Variants in MRAP2 observed in about 807,000 individuals in gnomAD.
MRAP2 encodes melanocortin-2 receptor accessory protein 2.
In MRAP2, 20 loss-of-function variants were observed where a neutral mutation model predicts 17.4. The ratio of observed to expected loss-of-function variants is 1.15; its 90% CI spans 0.81 to 1.67. The LOEUF is 1.67. MRAP2 is among the 40% of genes most tolerant of loss of function. The pLI is 0.00. For synonymous variants in MRAP2, 96 were observed against 88.4 expected (o/e 1.09, Z -0.48); for missense variants, 238 against 240.0 (o/e 0.99, Z 0.05).
chr6:84,136,074 C>T, the MRAP2 span, among the ~76,000 whole-genome samples: 3 of 152,154 alleles, frequency 2.0e-5, no homozygotes, highest in Admixed American at 6.6e-5. Flanking sequence ...GCCATTCCTG[C>T]TTTCTTTGCT....
At chr6:84,092,106 CTCT>C (rs142179745), downstream of MRAP2, among the ~76,000 whole-genome samples, 15,327 of 152,204 alleles carry the variant, frequency 0.1, 919 homozygotes, top group Middle Eastern at 0.18. Context: ...TCTGTGGCTC[CTCT>C]TCTTCCACTT....
At chr6:84,042,150 G>A (rs1246521747) in intron 1 of MRAP2, among the ~76,000 whole-genome samples, 1 of 152,126 alleles carries the variant, frequency 6.6e-6, no homozygotes, top group African/African-American at 2.4e-5. Flanking sequence ...GGTTTTATAA[G>A]GGGCTTTCCC....
chr6:84,100,315 T>C, the MRAP2 span, among the ~76,000 whole-genome samples: 3 of 152,328 alleles, frequency 2.0e-5, no homozygotes, highest in Admixed American at 1.3e-4. Flanking sequence ...CAGGCTGGAA[T>C]GCAGTGGAAC....
chr6:84,036,995 T>C (rs1235734208), intron 1 of MRAP2, among the ~76,000 whole-genome samples: 4 of 151,448 alleles, frequency 2.6e-5, no homozygotes, highest in Admixed American at 2.0e-4. Context: ...TTACAAACCT[T>C]GAGCTAGACA....
the MRAP2 span, among the ~76,000 whole-genome samples, chr6:84,127,538 G>A: frequency 1.7e-4 from 26 of 151,936 alleles, no homozygotes; most frequent in African/African-American, 5.8e-4. Context: ...TGTTGGTTGG[G>A]CATAAAAACT....
chr6:84,054,319 T>C (rs1244587126), intron 1 of MRAP2, among the ~76,000 whole-genome samples: 1 of 152,236 alleles, frequency 6.6e-6, no homozygotes, highest in East Asian at 1.9e-4. Context: ...GAACACAGGC[T>C]GCATTGACTT....
the MRAP2 span, among the ~76,000 whole-genome samples, chr6:84,144,476 TATC>T: frequency 1.3e-5 from 2 of 152,104 alleles, no homozygotes; most frequent in African/African-American, 2.4e-5. Context: ...TTTAAAGTCT[TATC>T]ATCCACAGAT....
downstream of MRAP2, among the ~76,000 whole-genome samples, chr6:84,093,013 G>T (rs2099502032): frequency 6.6e-6 from 1 of 152,210 alleles, no homozygotes. Context: ...TGGGCCTGAA[G>T]CTCCACTCTT....
At chr6:84,120,439 T>C in the MRAP2 span, among the ~76,000 whole-genome samples, 354 of 152,292 alleles carry the variant, frequency 2.3e-3, no homozygotes, top group Middle Eastern at 6.8e-3. Flanking sequence ...CTTGAATCTT[T>C]ATAAAAACAG....
the MRAP2 span, among the ~76,000 whole-genome samples, chr6:84,102,719 G>T: frequency 6.6e-6 from 1 of 152,124 alleles, no homozygotes; most frequent in African/African-American, 2.4e-5. Context: ...GACATTAGAG[G>T]TCTGTTATGG....
rs1229030333 is a variant in MRAP2 at position 84,062,949 on chromosome 6, T to A, written c.184T>A (p.Phe62Ile). The part of the protein sequence containing the change: ...GLAVFVIFMF[F>I]VLTLLTKTGA... ...TGCAGTCTTCGTGATTTTTATGTTTTTTGTGCTGACCTTGCTGACCAAGAC... is the reference window on the plus strand; with the variant it reads ...TGCAGTCTTCGTGATTTTTATGTTTATTGTGCTGACCTTGCTGACCAAGAC... Residue 62 changes from phenylalanine (F) to isoleucine (I), a missense_variant, in exon 3 of 4, where the codon TTT becomes ATT. Coordinates refer to ENST00000257776, the MANE Select transcript of MRAP2 (RefSeq NM_138409.4). The A allele has an allele frequency of 6.2e-7, 1 of 1,614,192 alleles. No individual in the cohort carries two copies. The highest frequency in any genetic ancestry group is 8.5e-7 in the Non-Finnish European group (1 of 1,180,020).
At chr6:84,095,235 T>G (rs995551030), downstream of MRAP2, among the ~76,000 whole-genome samples, 2 of 152,190 alleles carry the variant, frequency 1.3e-5, no homozygotes, top group Admixed American at 1.3e-4. Context: ...GGAGATATTA[T>G]CTTTGTTATG....
chr6:84,095,271 T>G (rs545826074), downstream of MRAP2, among the ~76,000 whole-genome samples: 3 of 152,346 alleles, frequency 2.0e-5, no homozygotes, highest in African/African-American at 7.2e-5. Context: ...ACCTGCTCTA[T>G]GCTCCAGAGG....
chr6:84,083,630 C>T (rs1172860503), intron 3 of MRAP2, among the ~76,000 whole-genome samples: 2 of 150,560 alleles, frequency 1.3e-5, no homozygotes, highest in African/African-American at 5.0e-5. Context: ...GAAGACCTCT[C>T]TATTTTTATT....
downstream of MRAP2, among the ~76,000 whole-genome samples, chr6:84,091,324 G>GT (rs1292702814): frequency 6.7e-6 from 1 of 150,122 alleles, no homozygotes; most frequent in Non-Finnish European, 1.5e-5. Flanking sequence ...CCCCTCCTGG[G>GT]TTCAAGTGAT....
At chr6:84,076,055 C>G (rs960819995) in intron 3 of MRAP2, among the ~76,000 whole-genome samples, 1 of 151,648 alleles carries the variant, frequency 6.6e-6, no homozygotes, top group Non-Finnish European at 1.5e-5. Flanking sequence ...AACTTTTGTT[C>G]AGGAGTTATT....
In MRAP2 at chr6:84,090,825, A is replaced by G. The variant is rs1163520252; in HGVS notation, c.*1344A>G. The G allele has an allele frequency of 6.6e-6, 1 of 152,220 alleles. No homozygotes were observed. The highest frequency in any genetic ancestry group is 1.5e-5 in the Non-Finnish European group (1 of 68,036). The allele number at this position is 152,220 out of a possible 1,614,324, so 9.4% of individuals were successfully genotyped here. A position where few individuals can be genotyped will look rare whatever the true frequency, so the allele number is the denominator to read the frequency against. ...TTAACCTCTGGGTGGCATTTTCATTATGAATTTGTTCACCACCTGTCTTGC... is the reference window on the plus strand; with the variant it reads ...TTAACCTCTGGGTGGCATTTTCATTGTGAATTTGTTCACCACCTGTCTTGC... On this transcript the variant is annotated 3_prime_UTR_variant, in exon 4 of 4. Coordinates refer to ENST00000257776, the MANE Select transcript of MRAP2 (RefSeq NM_138409.4).
chr6:84,092,898 A>G (rs976506084), downstream of MRAP2, among the ~76,000 whole-genome samples: 8 of 152,230 alleles, frequency 5.3e-5, no homozygotes, highest in Non-Finnish European at 1.0e-4. Context: ...AAATGGAAGG[A>G]AAAAATGAAT....
At chr6:84,117,823 A>G in the MRAP2 span, among the ~76,000 whole-genome samples, 11 of 152,202 alleles carry the variant, frequency 7.2e-5, no homozygotes, top group African/African-American at 2.4e-4. Flanking sequence ...GCTGTGAAAC[A>G]GCAAAGATGG....
Sources: gnomAD v4.1 joint callset for allele counts (sites outside exome capture counted in the v4.1 genomes callset) on GRCh38, gnomAD v4.1.1 for gene constraint, MANE v1.5 for transcripts, NCBI Gene and HGNC (gene_info 2026-07-23, HGNC 2026-07-21) for gene names.